The following LOC400499 variants were observed in gnomAD, a reference collection of about 807,000 sequenced individuals.
chr16:11,508,883 A>T, the LOC400499 span: 5 of 398,736 alleles, frequency 1.3e-5, no homozygotes, highest in African/African-American at 8.2e-5. Flanking sequence ...GGATGGGATG[A>T]CCATATGGGG....
the LOC400499 span, chr16:11,385,062 AGGCCTGTG>A: frequency 1.6e-4 from 191 of 1,232,162 alleles, no homozygotes; most frequent in African/African-American, 2.6e-3. Flanking sequence ...TACAGCCTGT[AGGCCTGTG>A]GGCCAGAGGG....
At chr16:11,483,254 C>A in the LOC400499 span, among the ~76,000 whole-genome samples, 1 of 152,180 alleles carries the variant, frequency 6.6e-6, no homozygotes, top group African/African-American at 2.4e-5. Context: ...GGTTTAGCAG[C>A]TTTAGAAAAA....
the LOC400499 span, among the ~76,000 whole-genome samples, chr16:11,445,868 C>T: frequency 1.3e-5 from 2 of 149,004 alleles, no homozygotes; most frequent in Non-Finnish European, 1.5e-5. Context: ...GTGTCTTGCT[C>T]TGTGGCCCAG....
the LOC400499 span, chr16:11,449,227 TG>T: frequency 2.2e-6 from 2 of 896,084 alleles, no homozygotes; most frequent in Non-Finnish European, 3.1e-6. Flanking sequence ...ACCCCTTCAA[TG>T]CCATTTCTCT....
At chr16:11,408,155 G>GTA in the LOC400499 span, among the ~76,000 whole-genome samples, 2,519 of 151,942 alleles carry the variant, frequency 0.017, 63 homozygotes, top group African/African-American at 0.058. Flanking sequence ...ACTAATTTTT[G>GTA]TATTTTTAGT....
chr16:11,510,217 A>G, the LOC400499 span, among the ~76,000 whole-genome samples: 88,847 of 151,068 alleles, frequency 0.59, 27,150 homozygotes, highest in Admixed American at 0.66. Flanking sequence ...GCTCCTTAGC[A>G]AAGGCGTGTG....
chr16:11,488,513 G>A, the LOC400499 span, among the ~76,000 whole-genome samples: 23 of 152,216 alleles, frequency 1.5e-4, 1 homozygote, highest in South Asian at 4.4e-3. Flanking sequence ...TTGACCTCCT[G>A]GGCTCAAGCA....
chr16:11,373,658 C>G, the LOC400499 span, among the ~76,000 whole-genome samples: 2 of 151,696 alleles, frequency 1.3e-5, no homozygotes, highest in African/African-American at 4.9e-5. Context: ...CTTGCTCTGT[C>G]GCCCAGGCTG....
chr16:11,494,523 C>T, the LOC400499 span: 7 of 327,532 alleles, frequency 2.1e-5, no homozygotes, highest in African/African-American at 6.4e-5. Flanking sequence ...TGATTCGCTT[C>T]GGCCCCACTG....
chr16:11,505,470 T>TC, the LOC400499 span, among the ~76,000 whole-genome samples: 39 of 112,614 alleles, frequency 3.5e-4, 1 homozygote, highest in East Asian at 7.7e-4. Flanking sequence ...TTTTTTTTTT[T>TC]TGGAGAAGAG....
At chr16:11,434,925 C>T in the LOC400499 span, among the ~76,000 whole-genome samples, 1 of 152,172 alleles carries the variant, frequency 6.6e-6, no homozygotes, top group East Asian at 1.9e-4. Context: ...GACGGAGACG[C>T]ACATTCCTTG....
chr16:11,492,126 C>G, the LOC400499 span, among the ~76,000 whole-genome samples: 1 of 152,192 alleles, frequency 6.6e-6, no homozygotes, highest in Non-Finnish European at 1.5e-5. Flanking sequence ...AAACTATTTA[C>G]GAAAACAGCA....
At chr16:11,474,482 G>C in the LOC400499 span, among the ~76,000 whole-genome samples, 3 of 152,064 alleles carry the variant, frequency 2.0e-5, no homozygotes, top group East Asian at 5.8e-4. Flanking sequence ...GAACATCTTT[G>C]TGCACAGAGC....
At chr16:11,383,845 C>G in the LOC400499 span, 2,862 of 1,232,088 alleles carry the variant, frequency 2.3e-3, 3 homozygotes, top group Non-Finnish European at 2.8e-3. Flanking sequence ...CTTGATGAGA[C>G]AAAGGGCCTT....
the LOC400499 span, among the ~76,000 whole-genome samples, chr16:11,411,782 C>G: frequency 1.3e-5 from 2 of 152,088 alleles, no homozygotes; most frequent in African/African-American, 2.4e-5. Flanking sequence ...TCCCAGGGAT[C>G]CTCCTCACAT....
At chr16:11,513,268 G>T in the LOC400499 span, among the ~76,000 whole-genome samples, 7,891 of 151,996 alleles carry the variant, frequency 0.052, 353 homozygotes, top group East Asian at 0.18. Context: ...AGCCAGGCAT[G>T]GTGCTGTGCA....
chr16:11,463,753 G>A, the LOC400499 span, among the ~76,000 whole-genome samples: 1 of 152,098 alleles, frequency 6.6e-6, no homozygotes, highest in African/African-American at 2.4e-5. Flanking sequence ...ATATATGGAT[G>A]TGTGTATATA....
At chr16:11,414,525 G>A in the LOC400499 span, 2 of 399,764 alleles carry the variant, frequency 5.0e-6, no homozygotes, top group African/African-American at 2.1e-5. Context: ...ACAGAGAATG[G>A]CATGGGCTAC....
chr16:11,508,066 T>G, the LOC400499 span, among the ~76,000 whole-genome samples: 1 of 152,204 alleles, frequency 6.6e-6, no homozygotes, highest in Non-Finnish European at 1.5e-5. Flanking sequence ...GATCTTGAGA[T>G]ATGATCATTC....
Sources: gnomAD v4.1 joint callset for allele counts (sites outside exome capture counted in the v4.1 genomes callset) on GRCh38, gnomAD v4.1.1 for gene constraint, MANE v1.5 for transcripts.